The following PRKG1 variants were observed in gnomAD, a reference collection of about 807,000 sequenced individuals.
PRKG1 encodes the protein protein kinase cGMP-dependent 1.
Under a neutral mutation model 88.1 loss-of-function variants are expected in PRKG1, and 35 were observed. The observed-to-expected ratio is 0.40, with a 90% CI of 0.30 to 0.53. The LOEUF is 0.53. Among genes scored for constraint, PRKG1 ranks in the 20% least tolerant of loss-of-function variants. The pLI, the probability that PRKG1 is intolerant of heterozygous loss-of-function variation, is 0.59. For synonymous variants in PRKG1, 303 were observed against 292.5 expected, an observed-to-expected ratio of 1.04 and a Z score of -0.37; for missense variants, 540 against 839.8, an observed-to-expected ratio of 0.64 and a Z score of 4.41.
intron 1 of PRKG1, among the ~76,000 whole-genome samples, chr10:51,111,671 A>G (rs1589160525): frequency 6.6e-6 from 1 of 152,232 alleles, no homozygotes; most frequent in Non-Finnish European, 1.5e-5. Flanking sequence ...GCTGAAATCC[A>G]ATAAGTTTGT....
chr10:51,224,959 A>G (rs937684687), intron 2 of PRKG1, among the ~76,000 whole-genome samples: 2 of 152,140 alleles, frequency 1.3e-5, no homozygotes, highest in Admixed American at 6.6e-5. Flanking sequence ...CCCTGCCCCA[A>G]CTTCCAAAGA....
At chr10:51,858,943 T>C (rs917151323) in intron 4 of PRKG1, among the ~76,000 whole-genome samples, 4 of 152,106 alleles carry the variant, frequency 2.6e-5, no homozygotes, top group Non-Finnish European at 5.9e-5. Flanking sequence ...CCTTTGATTT[T>C]TCTCCTTGCT....
intron 3 of PRKG1, among the ~76,000 whole-genome samples, chr10:51,505,014 T>A (rs201360522): frequency 5.7e-4 from 87 of 151,800 alleles, no homozygotes; most frequent in Non-Finnish European, 1.0e-3. Context: ...CTATGTTGAA[T>A]AGGAGTGGTG....
intron 2 of PRKG1, among the ~76,000 whole-genome samples, chr10:51,375,305 A>G (rs1435425699): frequency 6.6e-6 from 1 of 152,206 alleles, no homozygotes; most frequent in Non-Finnish European, 1.5e-5. Flanking sequence ...CATAATTTAC[A>G]TAAATAAAAC....
intron 2 of PRKG1, among the ~76,000 whole-genome samples, chr10:51,448,647 T>C (rs996733811): frequency 2.0e-5 from 3 of 152,070 alleles, no homozygotes; most frequent in African/African-American, 7.2e-5. Context: ...CATTATCTTC[T>C]TGGTGCACTG....
chr10:51,442,145 G>C (rs1489502527), intron 2 of PRKG1, among the ~76,000 whole-genome samples: 2 of 151,664 alleles, frequency 1.3e-5, no homozygotes, highest in African/African-American at 4.8e-5. Context: ...GAAATAGAAA[G>C]TATTCACTAA....
chr10:51,924,762 G>A (rs896303434), intron 5 of PRKG1, among the ~76,000 whole-genome samples: 4 of 143,748 alleles, frequency 2.8e-5, no homozygotes, highest in African/African-American at 5.1e-5. Flanking sequence ...TTCCAGTTTT[G>A]GAAGTTTTTA....
intron 1 of PRKG1, among the ~76,000 whole-genome samples, chr10:51,137,789 A>T (rs1291980326): frequency 6.6e-6 from 1 of 152,214 alleles, no homozygotes; most frequent in Non-Finnish European, 1.5e-5. Context: ...TGACAAGCTG[A>T]AATGTCTCAG....
intron 3 of PRKG1, among the ~76,000 whole-genome samples, chr10:51,555,105 A>T (rs1837276138): frequency 6.6e-6 from 1 of 151,870 alleles, no homozygotes; most frequent in Non-Finnish European, 1.5e-5. Flanking sequence ...TGAAGTCCCT[A>T]GGATTACTTT....
intron 2 of PRKG1, among the ~76,000 whole-genome samples, chr10:51,352,101 G>T (rs1198870781): frequency 6.6e-6 from 1 of 151,098 alleles, no homozygotes; most frequent in East Asian, 2.0e-4. Flanking sequence ...CCATTGGTCT[G>T]TAGATCTGTT....
At chr10:51,200,000 G>A (rs371665926) in intron 2 of PRKG1, among the ~76,000 whole-genome samples, 9 of 152,266 alleles carry the variant, frequency 5.9e-5, no homozygotes, top group African/African-American at 2.2e-4. Context: ...GTAAAAGAAA[G>A]CCTACAAAAC....
chr10:51,336,501 C>T (rs1424477131), intron 2 of PRKG1, among the ~76,000 whole-genome samples: 2 of 152,190 alleles, frequency 1.3e-5, no homozygotes, highest in Admixed American at 6.5e-5. Context: ...TCCTCTCCCC[C>T]TCTTATGGCA....
chr10:51,450,175 A>G (rs2132768468), intron 2 of PRKG1, among the ~76,000 whole-genome samples: 1 of 152,094 alleles, frequency 6.6e-6, no homozygotes, highest in African/African-American at 2.4e-5. Flanking sequence ...TTTTAAACCT[A>G]TTAGGTTTCT....
intron 2 of PRKG1, among the ~76,000 whole-genome samples, chr10:51,458,962 C>A (rs976004626): frequency 6.6e-6 from 1 of 152,100 alleles, no homozygotes. Flanking sequence ...AAGAATGACT[C>A]TATTCACTTT....
intron 5 of PRKG1, among the ~76,000 whole-genome samples, chr10:51,990,885 A>AG (rs34990356): frequency 0.58 from 88,278 of 151,950 alleles, 26,931 homozygotes; most frequent in African/African-American, 0.77. Flanking sequence ...GTTCCTGCAA[A>AG]GATATGATCT....
intron 5 of PRKG1, among the ~76,000 whole-genome samples, chr10:51,917,308 G>A (rs1246010558): frequency 3.0e-5 from 4 of 132,294 alleles, no homozygotes; most frequent in Non-Finnish European, 4.6e-5. Context: ...AACAGAGCAA[G>A]ACTCCATCTC....
chr10:51,163,361 C>A (rs188527807), intron 2 of PRKG1, among the ~76,000 whole-genome samples: 2 of 152,278 alleles, frequency 1.3e-5, no homozygotes, highest in East Asian at 3.9e-4. Context: ...TCAAGGTGGT[C>A]AAACTCCTAT....
At chr10:51,563,347 A>G (rs967924500) in intron 3 of PRKG1, among the ~76,000 whole-genome samples, 3 of 152,154 alleles carry the variant, frequency 2.0e-5, no homozygotes, top group African/African-American at 7.2e-5. Context: ...GATATTGAAT[A>G]TGCTATTTAT....
chr10:52,120,876 C>G (rs1847805565), intron 7 of PRKG1, among the ~76,000 whole-genome samples: 1 of 152,210 alleles, frequency 6.6e-6, no homozygotes, highest in Admixed American at 6.5e-5. Context: ...CTAGCAGTGG[C>G]TCTCTGTGGT....
Sources: gnomAD v4.1 joint callset for allele counts (sites outside exome capture counted in the v4.1 genomes callset) on GRCh38, gnomAD v4.1.1 for gene constraint, MANE v1.5 for transcripts, NCBI Gene and HGNC (gene_info 2026-07-23, HGNC 2026-07-21) for gene names.